CYP2C19: variants seen among roughly 807,000 people sequenced by gnomAD.
CYP2C19 encodes the protein cytochrome P450 family 2 subfamily C member 19.
CYP2C19 carries 59 observed loss-of-function variants against 40.9 expected under a neutral mutation model. The observed-to-expected ratio is 1.44, with a 90% confidence interval of 1.17 to 1.79. The LOEUF (loss-of-function observed/expected upper bound fraction) is 1.79, where lower values mean the gene tolerates loss of function less well. CYP2C19 is among the 40% of genes most tolerant of loss of function. The pLI, the probability that CYP2C19 is intolerant of heterozygous loss-of-function variation, is 0.00. For missense variants in CYP2C19, 754 were observed against 596.9 expected (o/e 1.26, Z -2.74); for synonymous variants, 253 against 208.7 (o/e 1.21, Z -1.83).
chr10:94,800,961 C>T (rs912517144), intron 5 of CYP2C19, among the ~76,000 whole-genome samples: 1 of 152,198 alleles, frequency 6.6e-6, no homozygotes, highest in African/African-American at 2.4e-5. Context: ...AATCCCTTAA[C>T]ACCTTGCACT....
intron 5 of CYP2C19, among the ~76,000 whole-genome samples, chr10:94,801,941 T>G (rs556188080): frequency 1.1e-3 from 170 of 152,154 alleles, no homozygotes; most frequent in Non-Finnish European, 2.2e-3. Context: ...AAAAAGTGAG[T>G]AGCAGCAAGA....
chr10:94,780,792 A>G, intron 4 of CYP2C19, 133 bp downstream of exon 4: 2 of 955,060 alleles, frequency 2.1e-6, no homozygotes, highest in Non-Finnish European at 3.2e-6. Context: ...CCATGGGGTG[A>G]ATATCTGGAA....
chr10:94,802,089 C>T (rs553652324), intron 5 of CYP2C19, among the ~76,000 whole-genome samples: 1 of 151,892 alleles, frequency 6.6e-6, no homozygotes, highest in African/African-American at 2.4e-5. Flanking sequence ...TCCATTTTAC[C>T]GAGTGCTGAT....
At chr10:94,840,001 A>G (rs564698570) in intron 6 of CYP2C19, among the ~76,000 whole-genome samples, 1 of 150,776 alleles carries the variant, frequency 6.6e-6, no homozygotes, top group African/African-American at 2.5e-5. Context: ...TTTTTTTTTG[A>G]CTAAGAATAA....
In CYP2C19 at chr10:94,845,582, C is replaced by T. The variant is rs75217796; in HGVS notation, c.1149+2558C>T. Reference sequence around the variant, plus strand: ...TTCCAAAGACTGAGTTTTAACTTTCCCATAATTTTTTTGTTTTAGCTCTTA... The same window carrying T: ...TTCCAAAGACTGAGTTTTAACTTTCTCATAATTTTTTTGTTTTAGCTCTTA... On this transcript the variant is annotated intron_variant, in intron 7 of 8. Transcript: ENST00000371321. Among the ~76,000 whole-genome samples, 1,439 of 152,136 alleles carry T rather than the reference C, an allele frequency of 9.5e-3. 19 individuals are homozygous for T. The highest frequency in any genetic ancestry group is 0.033 in the African/African-American group (1,355 of 41,522).
chr10:94,800,669 T>A (rs890973807), intron 5 of CYP2C19, among the ~76,000 whole-genome samples: 4 of 152,212 alleles, frequency 2.6e-5, no homozygotes, highest in African/African-American at 9.6e-5. Context: ...TGCAGTGGGC[T>A]CCACCCAGTT....
chr10:94,830,825 T>C (rs1044648490), intron 6 of CYP2C19, among the ~76,000 whole-genome samples: 1 of 152,206 alleles, frequency 6.6e-6, no homozygotes, highest in Non-Finnish European at 1.5e-5. Context: ...AGGAGATGTT[T>C]TGATACAGGC....
chr10:94,769,942 A>G lies in CYP2C19; in HGVS notation c.169-5116A>G, dbSNP rs113993473. 2.6e-3 allele frequency among the ~76,000 whole-genome samples: 392 copies of G among 152,276 alleles called. 2 individuals are homozygous for G. Among genetic ancestry groups the G allele is most frequent in the African/African-American group, 8.3e-3 (345 of 41,578 alleles). On this transcript the variant is annotated intron_variant, in intron 1 of 8. Coordinates refer to ENST00000371321, the MANE Select transcript of CYP2C19 (RefSeq NM_000769.4). ...CTTAATAAGGGTGTGGGACTTTCAG[A>G]CATAACAAGAAAGGCATGTGAAAAG...
At chr10:94,810,743 CA>C (rs201800732) in intron 5 of CYP2C19, among the ~76,000 whole-genome samples, 23 of 152,080 alleles carry the variant, frequency 1.5e-4, no homozygotes, top group South Asian at 4.2e-4. Flanking sequence ...TCCCCTTTAT[CA>C]TTTTTTTGTT....
intron 6 of CYP2C19, among the ~76,000 whole-genome samples, chr10:94,823,262 A>T (rs1157056775): frequency 2.6e-5 from 4 of 152,164 alleles, no homozygotes; most frequent in Admixed American, 1.3e-4. Context: ...AACTCTTTTC[A>T]TCAAGTAACT....
intron 5 of CYP2C19, among the ~76,000 whole-genome samples, chr10:94,807,889 A>G (rs1848858398): frequency 6.6e-6 from 1 of 151,936 alleles, no homozygotes; most frequent in South Asian, 2.1e-4. Context: ...AGTTTGCTAT[A>G]ATCTCATTTG....
chr10:94,831,689 T>A (rs1170312104), intron 6 of CYP2C19, among the ~76,000 whole-genome samples: 1 of 152,224 alleles, frequency 6.6e-6, no homozygotes, highest in African/African-American at 2.4e-5. Context: ...CTGTTAACAA[T>A]TAACATGTCT....
chr10:94,781,858 C>A lies in CYP2C19; in HGVS notation c.680C>A (p.Pro227Gln). 1 of 1,471,464 alleles carries A rather than the reference C, an allele frequency of 6.8e-7. No homozygotes were observed. The highest frequency in any genetic ancestry group is 1.5e-5 in the African/African-American group (1 of 67,494). 91.2% of individuals were successfully genotyped at this position (1,471,464 alleles called of 1,614,324 possible). A position where few individuals can be genotyped will look rare whatever the true frequency, so the allele number is the denominator to read the frequency against. The change falls in exon 5 of 9, where the codon CCG (proline) becomes CAG (glutamine). Residue 227 changes from proline to glutamine, a missense_variant. Transcript: ENST00000371321. ...NNFPTIIDYF[P>Q]GTHNKLLKNL... ...TTTCCCACTATCATTGATTATTTCC[C>A]GGGAACCCATAACAAATTACTTAAA...
At chr10:94,823,848 T>C (rs1393568938) in intron 6 of CYP2C19, among the ~76,000 whole-genome samples, 1 of 152,312 alleles carries the variant, frequency 6.6e-6, no homozygotes, top group East Asian at 1.9e-4. Context: ...TAGAAAGTCC[T>C]GAGCTCCAGC....
rs113476175 is a variant in CYP2C19 at position 94,802,927 on chromosome 10, C to G, written c.820-17569C>G. 3.1e-3 allele frequency among the ~76,000 whole-genome samples: 474 copies of G among 152,224 alleles called. 3 individuals carry two copies. The highest frequency in any genetic ancestry group is 0.011 in the African/African-American group (451 of 41,534). On this transcript the variant is annotated intron_variant, in intron 5 of 8. Coordinates refer to ENST00000371321, the MANE Select transcript of CYP2C19 (RefSeq NM_000769.4). ...TGAATATTGGCCCTCACTCTCTTCT[C>G]GCTTGTCATGTTTCTGCTGAGAAAT...
At chr10:94,850,112 T>C (rs1849630805) in intron 8 of CYP2C19, 54 bp downstream of exon 8, 2 of 1,601,974 alleles carry the variant, frequency 1.2e-6, no homozygotes, top group Non-Finnish European at 1.7e-6. Context: ...ACTTTTTTGA[T>C]CAGTTGGAAC....
At chr10:94,823,794 A>C (rs1252769085) in intron 6 of CYP2C19, among the ~76,000 whole-genome samples, 1 of 152,166 alleles carries the variant, frequency 6.6e-6, no homozygotes, top group Non-Finnish European at 1.5e-5. Context: ...TTCTCAGAAA[A>C]ATATTGGAGA....
At chr10:94,842,118 G>A (rs1467526232) in intron 6 of CYP2C19, among the ~76,000 whole-genome samples, 1 of 151,988 alleles carries the variant, frequency 6.6e-6, no homozygotes, top group Non-Finnish European at 1.5e-5. Flanking sequence ...ATTGTATTGG[G>A]GCCTATCTCT....
chr10:94,814,116 A>G (rs936222178), intron 5 of CYP2C19, among the ~76,000 whole-genome samples: 2 of 151,010 alleles, frequency 1.3e-5, no homozygotes, highest in African/African-American at 4.9e-5. Context: ...CACTGCACCT[A>G]CTGTCTAAAC....
Sources: gnomAD v4.1 joint callset for allele counts (sites outside exome capture counted in the v4.1 genomes callset) on GRCh38, gnomAD v4.1.1 for gene constraint, MANE v1.5 for transcripts, NCBI Gene and HGNC (gene_info 2026-07-23, HGNC 2026-07-21) for gene names.